DNAH17: variants seen among roughly 807,000 people sequenced by gnomAD.
DNAH17 encodes axonemal beta dynein heavy chain 17.
In DNAH17, 376 loss-of-function variants were observed where a neutral mutation model predicts 485.6. The observed-to-expected ratio is 0.77, with a 90% CI of 0.71 to 0.84. DNAH17 has a LOEUF of 0.84. DNAH17 is among the 40% of genes least tolerant of loss of function. The probability of loss-of-function intolerance (pLI) is 0.00; values close to 1 mark genes in which losing one functional copy is unlikely to be tolerated. For synonymous variants in DNAH17, 3,031 were observed against 2,405.9 expected (o/e 1.26, Z -7.60); for missense variants, 6,370 against 5,839.3 (o/e 1.09, Z -2.96).
intron 60 of DNAH17, 28 bp downstream of exon 60, chr17:78,459,756 C>G (rs1255294985): frequency 6.2e-7 from 1 of 1,612,012 alleles, no homozygotes; most frequent in Admixed American, 1.7e-5. Context: ...GAGGGAAGCC[C>G]CGGCTACGAG....
At chr17:78,447,123 G>T (rs542045961) in intron 69 of DNAH17, among the ~76,000 whole-genome samples, 6 of 152,188 alleles carry the variant, frequency 3.9e-5, no homozygotes, top group African/African-American at 1.4e-4. Context: ...TGGAGATGGG[G>T]TCTTGCTATA....
chr17:78,481,092 C>G (rs567251412), intron 48 of DNAH17, among the ~76,000 whole-genome samples: 1 of 145,580 alleles, frequency 6.9e-6, no homozygotes, highest in Non-Finnish European at 1.5e-5. Flanking sequence ...ACCACGCCCG[C>G]CCCCCATCCC....
chr17:78,449,116 A>C (rs972057706), intron 69 of DNAH17, among the ~76,000 whole-genome samples: 1 of 152,232 alleles, frequency 6.6e-6, no homozygotes, highest in Admixed American at 6.5e-5. Flanking sequence ...CTATTTACTC[A>C]GCACAACTTA....
intron 2 of DNAH17, among the ~76,000 whole-genome samples, chr17:78,574,502 C>CAAA (rs780149334): frequency 1.5e-5 from 2 of 132,954 alleles, no homozygotes; most frequent in African/African-American, 5.6e-5. Flanking sequence ...GACCCTGTCT[C>CAAA]AAAAAAAAAA....
intron 21 of DNAH17, among the ~76,000 whole-genome samples, chr17:78,530,103 C>A (rs774382594): frequency 2.6e-5 from 4 of 152,254 alleles, no homozygotes; most frequent in Non-Finnish European, 5.9e-5. Flanking sequence ...TCCTCCGCAT[C>A]TGGCACCCGG....
chr17:78,466,866 G>A (rs1487897520), intron 55 of DNAH17, 50 bp from the exon 56 acceptor site: 1 of 1,469,996 alleles, frequency 6.8e-7, no homozygotes, highest in East Asian at 2.7e-5. Flanking sequence ...GCAGTGCTGG[G>A]GCCTAATCCA....
intron 25 of DNAH17, among the ~76,000 whole-genome samples, chr17:78,518,492 C>G (rs554818775): frequency 6.6e-6 from 1 of 152,256 alleles, no homozygotes; most frequent in South Asian, 2.1e-4. Flanking sequence ...CCTCAAAATA[C>G]ACAAAGCAAA....
intron 44 of DNAH17, chr17:78,489,971 T>G (rs2089778673): frequency 6.6e-6 from 1 of 152,160 alleles, no homozygotes; most frequent in East Asian, 1.9e-4. Flanking sequence ...CGCAGGACAT[T>G]TGCACAAAGC....
intron 73 of DNAH17, among the ~76,000 whole-genome samples, chr17:78,438,198 G>A (rs896557874): frequency 4.0e-5 from 6 of 151,384 alleles, no homozygotes; most frequent in Non-Finnish European, 8.8e-5. Context: ...TGAAGCTGAG[G>A]GCTTCCCACC....
chr17:78,552,697 CT>C lies in DNAH17; in HGVS notation c.2286del (p.Gly763ValfsTer27), dbSNP rs771449476. On this transcript the variant is annotated frameshift_variant and splice_region_variant, in exon 15 of 81. Transcript: ENST00000389840. LOFTEE classifies it high-confidence loss of function. Reference sequence around the variant, plus strand: ...TGTGGGAGGAATGTGGCCTCCGTACCTTCGCCATTCCAGAATAATGTCGTTT... The same window carrying C: ...TGTGGGAGGAATGTGGCCTCCGTACCTCGCCATTCCAGAATAATGTCGTTT... Reference protein sequence around the residue: ...SAETTLFWNGEGVFQYIQEVR... With the variant: ...SAETTLFWNGXGVFQYIQEVR... The C allele has an allele frequency of 1.9e-6, 3 of 1,612,836 alleles. No individual in the cohort carries two copies. The highest frequency in any genetic ancestry group is 1.7e-6 in the Non-Finnish European group (2 of 1,178,850).
intron 75 of DNAH17, among the ~76,000 whole-genome samples, chr17:78,429,539 G>A (rs899707685): frequency 3.3e-5 from 5 of 152,170 alleles, no homozygotes; most frequent in African/African-American, 1.2e-4. Flanking sequence ...TCTCACAAGG[G>A]GCTGTGTGGC....
At chr17:78,488,588 T>C (rs1217044706) in intron 44 of DNAH17, among the ~76,000 whole-genome samples, 3 of 152,108 alleles carry the variant, frequency 2.0e-5, no homozygotes, top group Non-Finnish European at 2.9e-5. Flanking sequence ...TCCCCGGACA[T>C]TGTCTTTGCC....
At chr17:78,499,542 GC>G (rs35373762) in intron 36 of DNAH17, 57,939 of 152,944 alleles carry the variant, frequency 0.38, 12,253 homozygotes, top group African/African-American at 0.57. Context: ...CCCCACCTGG[GC>G]CAATCAGAAG....
intron 61 of DNAH17, 60 bp from the exon 62 acceptor site, chr17:78,458,740 A>C (rs992435044): frequency 6.9e-7 from 1 of 1,439,622 alleles, no homozygotes; most frequent in African/African-American, 1.4e-5. Flanking sequence ...AGCCCCCTGC[A>C]GCGGCAGCAG....
chr17:78,525,687 C>T (rs2091049711), intron 24 of DNAH17, among the ~76,000 whole-genome samples: 1 of 152,214 alleles, frequency 6.6e-6, no homozygotes, highest in Admixed American at 6.5e-5. Flanking sequence ...CACACATGGA[C>T]ACGCAGGGAC....
At position 78,475,404 on chromosome 17, in the gene DNAH17, C is replaced by T. The variant is rs201699259; in HGVS notation, c.8385G>A (p.Gly2795=). The change falls in exon 54 of 81, where the codon GGG becomes GGA. Residue 2795 remains glycine, a synonymous_variant. Coordinates refer to ENST00000389840, the MANE Select transcript of DNAH17 (RefSeq NM_173628.4). ...RINRILESPR[G]NALLVGVGGS... ...CGCCCACCCCCACCAGCAGGGCATT[C>T]CCCCGGGGAGACTCCAGGATGCGAT... 3.7e-6 allele frequency: 6 copies of T among 1,613,884 alleles called. No individual in the cohort carries two copies. The highest frequency in any genetic ancestry group is 4.2e-6 in the Non-Finnish European group (5 of 1,179,856).
chr17:78,532,780 T>G (rs754732376), intron 19 of DNAH17, 44 bp from the exon 20 acceptor site: 1 of 1,528,174 alleles, frequency 6.5e-7, no homozygotes, highest in Non-Finnish European at 8.8e-7. Context: ...GTATGTTGCC[T>G]GGTTCATAAT....
At chr17:78,562,130 T>C (rs1217380379) in intron 11 of DNAH17, 150 bp from the exon 12 acceptor site, 1 of 984,444 alleles carries the variant, frequency 1.0e-6, no homozygotes. Context: ...CCTTTGTGTG[T>C]GTCAACTGGC....
In DNAH17 at chr17:78,530,522, A is replaced by T. The variant is rs1161056842; in HGVS notation, c.3115-10T>A. On this transcript the variant is annotated splice_polypyrimidine_tract_variant and intron_variant, in intron 20 of 80. Coordinates refer to ENST00000389840, the MANE Select transcript of DNAH17 (RefSeq NM_173628.4). ...TCTCGTAGGAGTCGATCTGGAAAACACGGCCACCGGCGGCCTGTCATAGCC... is the reference window on the plus strand; with the variant it reads ...TCTCGTAGGAGTCGATCTGGAAAACTCGGCCACCGGCGGCCTGTCATAGCC... 6.3e-7 allele frequency: 1 copy of T among 1,597,688 alleles called. No individual in the cohort carries two copies. Among genetic ancestry groups the T allele is most frequent in the Non-Finnish European group, 8.6e-7 (1 of 1,168,676 alleles).
Sources: gnomAD v4.1 joint callset for allele counts (sites outside exome capture counted in the v4.1 genomes callset) on GRCh38, gnomAD v4.1.1 for gene constraint, MANE v1.5 for transcripts, NCBI Gene and HGNC (gene_info 2026-07-23, HGNC 2026-07-21) for gene names.